The following GGACT variants were observed in gnomAD, a reference collection of about 807,000 sequenced individuals.
GGACT encodes gamma-glutamylamine cyclotransferase.
For missense variants in GGACT, 241 were observed against 233.2 expected (o/e 1.03, Z -0.22); for synonymous variants, 118 against 115.3 (o/e 1.02, Z -0.15).
chr13:100,588,619 T>G lies in GGACT; in HGVS notation c.-184+122A>C, dbSNP rs561535480. 2.6e-5 allele frequency: 4 copies of G among 151,840 alleles called. No homozygotes were observed. In the South Asian group the frequency reaches 8.3e-4, roughly 31 times the overall value. 9.4% of individuals were successfully genotyped at this position (151,840 alleles called of 1,614,324 possible). On this transcript the variant is annotated intron_variant, in intron 1 of 2. Coordinates refer to ENST00000683975, the MANE Select transcript of GGACT (RefSeq NM_001195087.2). ...CCTCACCCGCGGGGACGCCGAGTGC[T>G]GCGGCCTCGACCCGGACGCCGCGCA...
intron 2 of GGACT, among the ~76,000 whole-genome samples, chr13:100,575,310 G>A (rs1305590919): frequency 6.6e-6 from 1 of 152,204 alleles, no homozygotes; most frequent in Non-Finnish European, 1.5e-5. Flanking sequence ...GGGGAGGAGT[G>A]AGAGATGACA....
chr13:100,532,715 C>T (rs2088431879), intron 2 of GGACT, 114 bp from the exon 3 acceptor site: 2 of 760,618 alleles, frequency 2.6e-6, no homozygotes, highest in Non-Finnish European at 4.2e-6. Context: ...CCTGAATGCG[C>T]CTGGCTGTGC....
At chr13:100,569,633 C>T (rs990069040) in intron 2 of GGACT, among the ~76,000 whole-genome samples, 14 of 152,230 alleles carry the variant, frequency 9.2e-5, no homozygotes, top group African/African-American at 3.4e-4. Flanking sequence ...ACATTTTCGC[C>T]ACTGTCTTGG....
In GGACT at chr13:100,534,786, G is replaced by A. The variant is rs1165617335; in HGVS notation, c.-10-2185C>T. Among the ~76,000 whole-genome samples the A allele has an allele frequency of 6.6e-6, 1 of 151,892 alleles. No homozygotes were observed. Among genetic ancestry groups the A allele is most frequent in the African/African-American group, 2.4e-5 (1 of 41,340 alleles). ...GCATCCCTGTTGTCTTTGTTCCCCT[G>A]GATCCTGCCCCCAGTGCACCACCCA... On this transcript the variant is annotated intron_variant, in intron 2 of 2. Transcript: ENST00000683975. The surrounding 1 kb of genome is among the most constrained non-coding windows in gnomAD (Gnocchi z 4.9).
chr13:100,585,495 C>T (rs1409129122), intron 1 of GGACT, among the ~76,000 whole-genome samples: 1 of 152,016 alleles, frequency 6.6e-6, no homozygotes, highest in African/African-American at 2.4e-5. Context: ...CAGCTGAGCA[C>T]GGTGGCTCAC....
intron 2 of GGACT, among the ~76,000 whole-genome samples, chr13:100,553,121 G>A (rs1242827253): frequency 4.6e-5 from 7 of 152,154 alleles, no homozygotes; most frequent in East Asian, 1.9e-4. Context: ...GTCAGATTTC[G>A]GCTTCTGTGT....
In GGACT at chr13:100,530,542, ATGTC is replaced by A. The variant is rs2088337036; in HGVS notation, c.*1584_*1587del. On this transcript the variant is annotated 3_prime_UTR_variant, in exon 3 of 3. Coordinates refer to ENST00000683975, the MANE Select transcript of GGACT (RefSeq NM_001195087.2). ...TGATCCTTTTAAGAGATTGATATAA[ATGTC>A]AGTCAGTTCTCTGCCTTGCTTTATT... 5.8e-6 allele frequency: 2 copies of A among 347,488 alleles called. No individual in the cohort carries two copies. Among genetic ancestry groups the A allele is most frequent in the South Asian group, 5.3e-5 (2 of 37,840 alleles). 21.5% of individuals were successfully genotyped at this position (347,488 alleles called of 1,614,324 possible). A position where few individuals can be genotyped will look rare whatever the true frequency, so the allele number is the denominator to read the frequency against.
chr13:100,577,430 T>A (rs976250362), intron 2 of GGACT, among the ~76,000 whole-genome samples: 17 of 145,700 alleles, frequency 1.2e-4, no homozygotes, highest in African/African-American at 4.5e-4. Flanking sequence ...AATAAATAAA[T>A]AAATAAATAA....
intron 2 of GGACT, among the ~76,000 whole-genome samples, chr13:100,567,268 C>A (rs907560480): frequency 2.0e-5 from 3 of 152,216 alleles, no homozygotes; most frequent in African/African-American, 7.2e-5. Context: ...ATCTCATTCA[C>A]CATCAAACCT....
intron 2 of GGACT, among the ~76,000 whole-genome samples, chr13:100,558,711 T>C (rs1001011228): frequency 2.0e-5 from 3 of 152,160 alleles, no homozygotes; most frequent in African/African-American, 7.2e-5. Context: ...GAGGATGCTA[T>C]GTGAAATGAA....
chr13:100,543,366 C>G (rs995052896), intron 2 of GGACT, among the ~76,000 whole-genome samples: 2 of 151,900 alleles, frequency 1.3e-5, no homozygotes, highest in African/African-American at 4.8e-5. Context: ...CACCACCACG[C>G]CTGGCTAATT....
chr13:100,587,613 G>A (rs1875618580), intron 1 of GGACT, among the ~76,000 whole-genome samples: 1 of 152,140 alleles, frequency 6.6e-6, no homozygotes, highest in Non-Finnish European at 1.5e-5. Flanking sequence ...TTCACTTACA[G>A]GTAAATGTAC....
chr13:100,572,891 G>A (rs1875129017), intron 2 of GGACT, among the ~76,000 whole-genome samples: 1 of 152,088 alleles, frequency 6.6e-6, no homozygotes, highest in African/African-American at 2.4e-5. Context: ...TTTCCTGAAC[G>A]AATATCTGGG....
At chr13:100,533,079 T>G (rs1041378951) in intron 2 of GGACT, among the ~76,000 whole-genome samples, 47 of 152,220 alleles carry the variant, frequency 3.1e-4, no homozygotes, top group Non-Finnish European at 7.3e-5. Flanking sequence ...CAGGCCACCC[T>G]TCTCTGAGGA....
intron 2 of GGACT, among the ~76,000 whole-genome samples, chr13:100,547,386 A>G (rs555017703): frequency 6.6e-6 from 1 of 152,330 alleles, no homozygotes; most frequent in South Asian, 2.1e-4. Flanking sequence ...CAGCGGTTCC[A>G]TGGGGGATAC....
chr13:100,540,295 G>A (rs1455994207), intron 2 of GGACT: 9 of 919,732 alleles, frequency 9.8e-6, no homozygotes, highest in Non-Finnish European at 1.4e-5. Flanking sequence ...TTTTGGGGGA[G>A]ATTTTTGACT....
chr13:100,548,570 G>A (rs548765029), intron 2 of GGACT, among the ~76,000 whole-genome samples: 5 of 152,354 alleles, frequency 3.3e-5, no homozygotes, highest in South Asian at 4.1e-4. Flanking sequence ...TTGGGCCAGC[G>A]CGCCCTGTAT....
At chr13:100,538,411 T>C (rs1367352566) in intron 2 of GGACT, 1 of 152,240 alleles carries the variant, frequency 6.6e-6, no homozygotes, top group African/African-American at 2.4e-5. Flanking sequence ...GTATTTCCTG[T>C]TTTTTAATTT....
At chr13:100,584,199 T>C (rs1875499258) in intron 1 of GGACT, among the ~76,000 whole-genome samples, 2 of 152,166 alleles carry the variant, frequency 1.3e-5, no homozygotes, top group Admixed American at 6.5e-5. Context: ...ATGCCTTGAA[T>C]AGAGGAACCT....
Sources: allele counts gnomAD v4.1 joint callset (sites outside exome capture counted in the v4.1 genomes callset), GRCh38; gene constraint gnomAD v4.1.1; non-coding constraint Gnocchi (gnomAD v3.1); transcripts MANE v1.5; gene names NCBI Gene and HGNC (gene_info 2026-07-23, HGNC 2026-07-21).